Variants in CFAP97D1 observed in about 807,000 individuals in gnomAD.
CFAP97D1 encodes the protein sperm axonemal maintenance protein CFAP97D1.
CFAP97D1 carries 15 observed loss-of-function variants against 20.5 expected under a neutral mutation model. That is an observed-to-expected ratio of 0.73 (90% CI 0.49 to 1.13). The LOEUF (loss-of-function observed/expected upper bound fraction) is 1.13, where lower values mean the gene tolerates loss of function less well. Ranked by LOEUF, CFAP97D1 falls within the 50% of genes most tolerant of loss-of-function variation. The probability of loss-of-function intolerance (pLI) is 0.00; values close to 1 mark genes in which losing one functional copy is unlikely to be tolerated. For missense variants in CFAP97D1, 168 were observed against 202.9 expected (o/e 0.83, Z 1.04); for synonymous variants, 58 against 71.2 (o/e 0.82, Z 0.93).
rs1260395737 is a variant in CFAP97D1, at chr17:43,787,427, A to T, written c.*3045A>T. On this transcript the variant is annotated 3_prime_UTR_variant, in exon 6 of 6. Transcript: ENST00000449302. Reference sequence around the variant, plus strand: ...AAATATTTTTATTTGGATGACATCCAATATATCAATGATGAAACTGTTCTA... The same window carrying T: ...AAATATTTTTATTTGGATGACATCCTATATATCAATGATGAAACTGTTCTA... The T allele has an allele frequency of 2.0e-5, 3 of 152,226 alleles. No homozygotes were observed. Among genetic ancestry groups the T allele is most frequent in the African/African-American group, 7.2e-5 (3 of 41,450 alleles). The allele number at this position is 152,226 out of a possible 1,614,324, so 9.4% of individuals were successfully genotyped here.
chr17:43,781,673 C>T (rs1239626510), intron 2 of CFAP97D1, 101 bp from the exon 3 acceptor site: 3 of 814,984 alleles, frequency 3.7e-6, no homozygotes, highest in African/African-American at 3.4e-5. Flanking sequence ...GCCCTCAATG[C>T]ACCCCTTTCC....
rs2044298924 is a variant in CFAP97D1, at chr17:43,787,279, T to A, written c.*2897T>A. On this transcript the variant is annotated 3_prime_UTR_variant, in exon 6 of 6. Transcript: ENST00000449302. ...ACCACACCTGGCCTGATTTTTTAAA[T>A]AGCAAATTTTGAAAGTTATTTACAT... The A allele has an allele frequency of 1.3e-5, 2 of 152,344 alleles. No individual in the cohort carries two copies. Among genetic ancestry groups the A allele is most frequent in the South Asian group, 4.1e-4 (2 of 4,828 alleles). The allele number at this position is 152,344 out of a possible 1,614,324, so 9.4% of individuals were successfully genotyped here. A position where few individuals can be genotyped will look rare whatever the true frequency, so the allele number is the denominator to read the frequency against.
At chr17:43,782,385 T>C (rs1974483703) in intron 3 of CFAP97D1, among the ~76,000 whole-genome samples, 1 of 152,112 alleles carries the variant, frequency 6.6e-6, no homozygotes, top group Non-Finnish European at 1.5e-5. Flanking sequence ...CTAATTCCAT[T>C]AGGGTGACCT....
intron 2 of CFAP97D1, 85 bp downstream of exon 2, chr17:43,781,274 C>A (rs1486751858): frequency 2.1e-5 from 23 of 1,105,790 alleles, no homozygotes; most frequent in East Asian, 2.6e-5. Context: ...TTTCCCAGAG[C>A]CTTCTAAATA....
chr17:43,785,530 T>C lies in CFAP97D1; in HGVS notation c.*1148T>C, dbSNP rs574543395. On this transcript the variant is annotated 3_prime_UTR_variant, in exon 6 of 6. Coordinates refer to ENST00000449302, the MANE Select transcript of CFAP97D1 (RefSeq NM_001136483.3). ...ACCTCCGCCTCCTGGGTTCAAGCGATTCTCCTGCCTCAGCCTCCCAAGTAG... is the reference window on the plus strand; with the variant it reads ...ACCTCCGCCTCCTGGGTTCAAGCGACTCTCCTGCCTCAGCCTCCCAAGTAG... The C allele has an allele frequency of 2.6e-5, 4 of 152,198 alleles. No individual in the cohort carries two copies. The South Asian group carries it at 8.3e-4, about 32-fold the overall frequency. 9.4% of individuals were successfully genotyped at this position (152,198 alleles called of 1,614,324 possible). A position where few individuals can be genotyped will look rare whatever the true frequency, so the allele number is the denominator to read the frequency against.
chr17:43,782,066 A>G (rs1974480225), intron 3 of CFAP97D1, among the ~76,000 whole-genome samples, 174 bp downstream of exon 3: 1 of 152,214 alleles, frequency 6.6e-6, no homozygotes, highest in South Asian at 2.1e-4. Context: ...ACCTTTCTCT[A>G]GCATTAAAGA....
chr17:43,780,591 G>A lies in CFAP97D1; in HGVS notation c.124+5G>A, dbSNP rs1284103766. On this transcript the variant is annotated splice_donor_5th_base_variant and intron_variant, in intron 1 of 5. Coordinates refer to ENST00000449302, the MANE Select transcript of CFAP97D1 (RefSeq NM_001136483.3). ...ACAAGAATAGAATACAAATAGGTAT[G>A]TGGGCAGTTTGGGCTGGACACTGCT... is the stretch of plus-strand genomic sequence containing the variant. The A allele has an allele frequency of 6.4e-7, 1 of 1,551,594 alleles. No individual in the cohort carries two copies. The highest frequency in any genetic ancestry group is 8.7e-7 in the Non-Finnish European group (1 of 1,146,992).
At position 43,781,759 on chromosome 17, in the gene CFAP97D1, G is replaced by A. The variant is rs1235131994; in HGVS notation, c.196-15G>A. 1 of 1,484,398 alleles carries A rather than the reference G, an allele frequency of 6.7e-7. No homozygotes were observed. The highest frequency in any genetic ancestry group is 2.0e-5 in the Admixed American group (1 of 50,914). The allele number at this position is 1,484,398 out of a possible 1,614,324, so 92.0% of individuals were successfully genotyped here. A position where few individuals can be genotyped will look rare whatever the true frequency, so the allele number is the denominator to read the frequency against. ...ACTGATGGTGTCACCATGGTGAGGT[G>A]TGGTTTCTTACCAGGGTGAACAAAA... On this transcript the variant is annotated splice_polypyrimidine_tract_variant and intron_variant, in intron 2 of 5. Transcript: ENST00000449302.
chr17:43,781,069 A>G (rs1426816625), intron 1 of CFAP97D1, 50 bp from the exon 2 acceptor site: 1 of 1,386,664 alleles, frequency 7.2e-7, no homozygotes, highest in South Asian at 1.2e-5. Flanking sequence ...TGAGGCCGCT[A>G]CTGGAATTCC....
At chr17:43,783,026 C>A in intron 3 of CFAP97D1, 154 bp from the exon 4 acceptor site, 1 of 852,204 alleles carries the variant, frequency 1.2e-6, no homozygotes, top group Non-Finnish European at 1.8e-6. Context: ...GCAGTGCAGA[C>A]CAACAGGCTG....
rs2044299734 is a variant in CFAP97D1 at position 43,787,398 on chromosome 17, A to T, written c.*3016A>T. 6.6e-6 allele frequency: 1 copy of T among 152,204 alleles called. No individual in the cohort carries two copies. The highest frequency in any genetic ancestry group is 6.5e-5 in the Admixed American group (1 of 15,270). The allele number at this position is 152,204 out of a possible 1,614,324, so 9.4% of individuals were successfully genotyped here. A position where few individuals can be genotyped will look rare whatever the true frequency, so the allele number is the denominator to read the frequency against. On this transcript the variant is annotated 3_prime_UTR_variant, in exon 6 of 6. Transcript: ENST00000449302. The stretch of plus-strand genomic sequence containing the variant: ...TTTTCATCCTCAGGGTCTTTGACAG[A>T]GTAAAATATTTTTATTTGGATGACA...
In CFAP97D1 at chr17:43,781,957, T is replaced by C. The variant is rs921943572; in HGVS notation, c.314+65T>C. 2.7e-6 allele frequency: 3 copies of C among 1,125,664 alleles called. No individual in the cohort carries two copies. In the African/African-American group the frequency reaches 4.6e-5, roughly 17 times the overall value. 69.7% of individuals were successfully genotyped at this position (1,125,664 alleles called of 1,614,324 possible). A position where few individuals can be genotyped will look rare whatever the true frequency, so the allele number is the denominator to read the frequency against. ...AATTGACTTTCCTCTTGGGTTTTAG[T>C]GTGAGGTTTTCCCAAGTCAGAGAAG... On this transcript the variant is annotated intron_variant, in intron 3 of 5. Transcript: ENST00000449302.
Position 43,784,535 on chromosome 17 carries a change from A to G in CFAP97D1, c.*153A>G, listed in dbSNP as rs2044278586. The G allele has an allele frequency of 6.6e-6, 1 of 152,230 alleles. No homozygotes were observed. The highest frequency in any genetic ancestry group is 1.5e-5 in the Non-Finnish European group (1 of 68,046). The allele number at this position is 152,230 out of a possible 1,614,324, so 9.4% of individuals were successfully genotyped here. A position where few individuals can be genotyped will look rare whatever the true frequency, so the allele number is the denominator to read the frequency against. The stretch of plus-strand genomic sequence containing the variant: ...GCGTAAGTTACATTTAGGGGACCCA[A>G]AGGCTTTATGTTCTCATTCCAAAAT... On this transcript the variant is annotated 3_prime_UTR_variant, in exon 6 of 6. Coordinates refer to ENST00000449302, the MANE Select transcript of CFAP97D1 (RefSeq NM_001136483.3).
intron 2 of CFAP97D1, 41 bp downstream of exon 2, chr17:43,781,230 A>G: frequency 6.8e-7 from 1 of 1,465,296 alleles, no homozygotes; most frequent in Non-Finnish European, 9.3e-7. Flanking sequence ...GATGTATTTT[A>G]TTGACTTCCA....
chr17:43,781,238 C>T, intron 2 of CFAP97D1, 49 bp downstream of exon 2: 2 of 1,441,530 alleles, frequency 1.4e-6, no homozygotes, highest in Non-Finnish European at 1.9e-6. Flanking sequence ...TTATTGACTT[C>T]CAGTCTGTTT....
rs1188787899 is a variant in CFAP97D1 at position 43,783,823 on chromosome 17, T to G, written c.439-14T>G. The G allele has an allele frequency of 6.5e-7, 1 of 1,547,630 alleles. No homozygotes were observed. The highest frequency in any genetic ancestry group is 8.7e-7 in the Non-Finnish European group (1 of 1,144,952). On this transcript the variant is annotated splice_polypyrimidine_tract_variant and intron_variant, in intron 4 of 5. Transcript: ENST00000449302. Reference sequence around the variant, plus strand: ...TGCCCTGGCATTGACATAAACCAATTTTTTTCCTTCAAGAATTCAAGGCGC... The same window carrying G: ...TGCCCTGGCATTGACATAAACCAATGTTTTTCCTTCAAGAATTCAAGGCGC...
Position 43,784,624 on chromosome 17 carries a change from CGAGAGA to C in CFAP97D1, c.*253_*258del, listed in dbSNP as rs137968559. The C allele has an allele frequency of 1.3e-5, 2 of 151,146 alleles. No homozygotes were observed. The highest frequency in any genetic ancestry group is 2.4e-5 in the African/African-American group (1 of 41,182). 9.4% of individuals were successfully genotyped at this position (151,146 alleles called of 1,614,324 possible). The stretch of plus-strand genomic sequence containing the variant: ...TTGGGGCTATGAAAAGAAGTTTTAA[CGAGAGA>C]GAGAGAGAGAAATCTGAGAGAACTC... On this transcript the variant is annotated 3_prime_UTR_variant, in exon 6 of 6. Transcript: ENST00000449302.
rs1292783073 is a variant in CFAP97D1, at chr17:43,781,842, C to T, written c.264C>T (p.Ala88=). ...AACTGTGTCAGAAAATCGCAAATGCCCATCGCGGCCCTGCCAAGGTGGATT... is the reference window on the plus strand; with the variant it reads ...AACTGTGTCAGAAAATCGCAAATGCTCATCGCGGCCCTGCCAAGGTGGATT... ...NKQLCQKIAN[A]HRGPAKVDCW... The change falls in exon 3 of 6, where the codon GCC becomes GCT. Residue 88 remains alanine (A), a synonymous_variant. Transcript: ENST00000449302. The T allele has an allele frequency of 6.4e-7, 1 of 1,551,544 alleles. No individual in the cohort carries two copies. The highest frequency in any genetic ancestry group is 8.7e-7 in the Non-Finnish European group (1 of 1,146,866).
In CFAP97D1 at chr17:43,786,912, T is replaced by C. The variant is rs1359516310; in HGVS notation, c.*2530T>C. ...GGACATGCTACAATATATTTAACCA[T>C]ACATCCATCAAAGGACATTGGGGTA... is the stretch of plus-strand genomic sequence containing the variant. On this transcript the variant is annotated 3_prime_UTR_variant, in exon 6 of 6. Coordinates refer to ENST00000449302, the MANE Select transcript of CFAP97D1 (RefSeq NM_001136483.3). 2 of 152,120 alleles carry C rather than the reference T, an allele frequency of 1.3e-5. No homozygotes were observed. The highest frequency in any genetic ancestry group is 4.8e-5 in the African/African-American group (2 of 41,422). 9.4% of individuals were successfully genotyped at this position (152,120 alleles called of 1,614,324 possible). A position where few individuals can be genotyped will look rare whatever the true frequency, so the allele number is the denominator to read the frequency against.
Sources: allele counts gnomAD v4.1 joint callset (sites outside exome capture counted in the v4.1 genomes callset), GRCh38; gene constraint gnomAD v4.1.1; transcripts MANE v1.5; gene names NCBI Gene and HGNC (gene_info 2026-07-23, HGNC 2026-07-21).